The following TCF7L2 variants were observed in gnomAD, a reference collection of about 807,000 sequenced individuals.
The protein encoded by TCF7L2 is transcription factor 7 like 2.
In TCF7L2, 23 loss-of-function variants were observed where a neutral mutation model predicts 77.9. The ratio of observed to expected loss-of-function variants is 0.30; its 90% CI spans 0.21 to 0.42. The LOEUF (loss-of-function observed/expected upper bound fraction) is 0.42. Among genes scored for constraint, TCF7L2 ranks in the 10% least tolerant of loss-of-function variants. The pLI, the probability that TCF7L2 is intolerant of heterozygous loss-of-function variation, is 1.00. For synonymous variants in TCF7L2, 413 were observed against 340.2 expected, an observed-to-expected ratio of 1.21 and a Z score of -2.36; for missense variants, 654 against 793.1, an observed-to-expected ratio of 0.82 and a Z score of 2.11.
intron 4 of TCF7L2, among the ~76,000 whole-genome samples, chr10:112,978,633 A>ATTTTTTTTTT (rs988727404): frequency 1.6e-5 from 2 of 126,872 alleles, no homozygotes; most frequent in African/African-American, 6.1e-5. Flanking sequence ...CGCCTGGCTA[A>ATTTTTTTTTT]TTTTTTTTTT....
intron 13 of TCF7L2, chr10:113,161,394 A>G (rs532274192): frequency 2.6e-5 from 16 of 619,188 alleles, no homozygotes; most frequent in African/African-American, 2.0e-4. Flanking sequence ...GAATCAGAAC[A>G]GCCCAGAAGT....
At chr10:112,981,145 T>C (rs2040403352) in intron 4 of TCF7L2, among the ~76,000 whole-genome samples, 1 of 152,208 alleles carries the variant, frequency 6.6e-6, no homozygotes, top group Non-Finnish European at 1.5e-5. Context: ...TTGCTGTTGC[T>C]ACATTTTCAT....
intron 4 of TCF7L2, among the ~76,000 whole-genome samples, chr10:112,992,113 A>T (rs1027463043): frequency 6.6e-6 from 1 of 152,146 alleles, no homozygotes; most frequent in Non-Finnish European, 1.5e-5. Context: ...TGCAGACTCC[A>T]GGCGGCCTGT....
intron 5 of TCF7L2, among the ~76,000 whole-genome samples, chr10:113,048,926 T>C (rs928619506): frequency 1.1e-4 from 16 of 152,352 alleles, no homozygotes; most frequent in African/African-American, 2.9e-4. Flanking sequence ...GTTTTGTTAA[T>C]GGCTTGCAGG....
At chr10:113,123,639 T>C (rs1021780045) in intron 5 of TCF7L2, among the ~76,000 whole-genome samples, 2 of 152,188 alleles carry the variant, frequency 1.3e-5, no homozygotes, top group Non-Finnish European at 2.9e-5. Flanking sequence ...AGGGATTACG[T>C]TGATTTTTTT....
intron 5 of TCF7L2, among the ~76,000 whole-genome samples, chr10:113,042,841 G>A (rs1222668458): frequency 1.3e-5 from 2 of 152,158 alleles, no homozygotes; most frequent in Non-Finnish European, 2.9e-5. Flanking sequence ...GTTTGTAAAG[G>A]GTGCATTCTG....
At chr10:113,124,172 A>T (rs927024378) in intron 5 of TCF7L2, among the ~76,000 whole-genome samples, 2 of 139,286 alleles carry the variant, frequency 1.4e-5, no homozygotes, top group Non-Finnish European at 3.1e-5. Flanking sequence ...AAAGATGCAA[A>T]TCACGAGAAA....
intron 4 of TCF7L2, among the ~76,000 whole-genome samples, chr10:113,020,672 C>T (rs2048134758): frequency 6.6e-6 from 1 of 151,992 alleles, no homozygotes; most frequent in Non-Finnish European, 1.5e-5. Context: ...AATACTTGAC[C>T]TCATTTAGTT....
At chr10:113,062,045 G>C (rs1380323809) in intron 5 of TCF7L2, among the ~76,000 whole-genome samples, 1 of 152,140 alleles carries the variant, frequency 6.6e-6, no homozygotes. Flanking sequence ...GCTGGGGTTG[G>C]GGTTGAGGGT....
chr10:112,993,022 G>A (rs4456187), intron 4 of TCF7L2, among the ~76,000 whole-genome samples: 32 of 151,608 alleles, frequency 2.1e-4, no homozygotes, highest in Admixed American at 1.7e-3. Context: ...CTCGGCCTCC[G>A]AAAGTGCTGG....
intron 4 of TCF7L2, among the ~76,000 whole-genome samples, chr10:112,988,270 A>T (rs11196180): frequency 0.32 from 47,732 of 151,482 alleles, 8,172 homozygotes; most frequent in Middle Eastern, 0.47. Context: ...GCTGATTTTT[A>T]GTATTTTTAG....
intron 5 of TCF7L2, among the ~76,000 whole-genome samples, chr10:113,119,636 A>G (rs772299710): frequency 3.3e-5 from 5 of 151,652 alleles, no homozygotes; most frequent in Non-Finnish European, 7.4e-5. Flanking sequence ...TCCACCCCCA[A>G]AAGAAACATT....
intron 4 of TCF7L2, among the ~76,000 whole-genome samples, chr10:113,014,240 C>T (rs549950857): frequency 2.6e-4 from 39 of 152,324 alleles, no homozygotes; most frequent in Admixed American, 9.2e-4. Flanking sequence ...CTCTTCCTAA[C>T]ACCCAGGACC....
At chr10:112,975,710 G>C (rs1219945896) in intron 4 of TCF7L2, among the ~76,000 whole-genome samples, 3 of 152,140 alleles carry the variant, frequency 2.0e-5, no homozygotes, top group African/African-American at 7.2e-5. Flanking sequence ...TCAAACTCCT[G>C]ACCTCAAGTG....
At chr10:113,150,967 C>T (rs2137124516) in intron 8 of TCF7L2, 31 bp from the exon 9 acceptor site, 1 of 1,607,232 alleles carries the variant, frequency 6.2e-7, no homozygotes, top group Non-Finnish European at 8.5e-7. Context: ...CATTTTGATT[C>T]TGACGATTTA....
intron 3 of TCF7L2, among the ~76,000 whole-genome samples, chr10:112,960,936 G>A (rs2034930279): frequency 6.6e-6 from 1 of 152,078 alleles, no homozygotes; most frequent in Non-Finnish European, 1.5e-5. Flanking sequence ...CAGATGATCC[G>A]GCCTCCTCGG....
At chr10:112,962,217 A>G (rs116898950) in intron 3 of TCF7L2, among the ~76,000 whole-genome samples, 387 of 152,294 alleles carry the variant, frequency 2.5e-3, no homozygotes, top group Non-Finnish European at 4.3e-3. Flanking sequence ...TAAGATTCCT[A>G]TGGTAACCCT....
chr10:113,161,389 A>C, intron 13 of TCF7L2: 1 of 615,206 alleles, frequency 1.6e-6, no homozygotes, highest in South Asian at 2.0e-5. Flanking sequence ...AAAAGGAATC[A>C]GAACAGCCCA....
chr10:113,100,621 G>A lies in TCF7L2; in HGVS notation c.553-40563G>A, dbSNP rs7086851. Among the ~76,000 whole-genome samples, 1,079 of 152,254 alleles carry A rather than the reference G, an allele frequency of 7.1e-3. 11 individuals are homozygous for A. Among genetic ancestry groups the A allele is most frequent in the African/African-American group, 0.024 (1,008 of 41,548 alleles). On this transcript the variant is annotated intron_variant, in intron 5 of 13. Transcript: ENST00000627217. ...AAAATTTATGGGCTTAGAATTCCAT[G>A]AACCAAAATGACTGTCTTCAGTTAA...
Sources: allele counts gnomAD v4.1 joint callset (sites outside exome capture counted in the v4.1 genomes callset), GRCh38; gene constraint gnomAD v4.1.1; transcripts MANE v1.5; gene names NCBI Gene and HGNC (gene_info 2026-07-23, HGNC 2026-07-21).